Variants in FRAS1 observed in about 807,000 individuals in gnomAD.
FRAS1 encodes the protein extracellular matrix organizing protein FRAS1.
A neutral mutation model predicts 435.2 loss-of-function variants in FRAS1; 290 were observed. The observed-to-expected ratio is 0.67, with a 90% confidence interval of 0.61 to 0.73. The LOEUF (loss-of-function observed/expected upper bound fraction) is 0.73. Among genes scored for constraint, FRAS1 ranks in the 30% least tolerant of loss-of-function variants. The pLI, the probability that FRAS1 is intolerant of heterozygous loss-of-function variation, is 0.00. For synonymous variants in FRAS1, 1,800 were observed against 1,851.0 expected, an observed-to-expected ratio of 0.97 and a Z score of 0.71; for missense variants, 4,860 against 5,001.5, an observed-to-expected ratio of 0.97 and a Z score of 0.85.
At chr4:78,129,069 A>G (rs1256402102) in intron 2 of FRAS1, among the ~76,000 whole-genome samples, 1 of 152,170 alleles carries the variant, frequency 6.6e-6, no homozygotes, top group African/African-American at 2.4e-5. Context: ...AGTTGTAGAT[A>G]TGCGGCATTA....
Position 78,338,031 on chromosome 4 carries a change from C to T in FRAS1, c.2422+214C>T. The T allele has an allele frequency of 5.7e-6, 3 of 522,698 alleles. No homozygotes were observed. The East Asian group carries it at 1.0e-4, about 18-fold the overall frequency. 32.4% of individuals were successfully genotyped at this position (522,698 alleles called of 1,614,324 possible). ...ACTTCTAATAATACTCTTGCAAATC[C>T]TGAAAATCTCAGACTCTCATATTAA... On this transcript the variant is annotated intron_variant, in intron 20 of 73. Transcript: ENST00000512123.
chr4:78,508,222 G>A (rs560944643), intron 62 of FRAS1, among the ~76,000 whole-genome samples: 11 of 152,262 alleles, frequency 7.2e-5, no homozygotes, highest in Non-Finnish European at 1.2e-4. Context: ...ACCCATAATT[G>A]TGAAGCAATC....
rs1423784210 is a variant in FRAS1 at position 78,411,350 on chromosome 4, G to A, written c.4309-1619G>A. Among the ~76,000 whole-genome samples, 3 of 152,072 alleles carry A rather than the reference G, an allele frequency of 2.0e-5. No homozygotes were observed. The East Asian group carries it at 5.8e-4, about 29-fold the overall frequency. ...TGGTCTCGAACTCCTGACATCAAGT[G>A]ATCCGCCCACCTCGGCCTCCCAAAG... On this transcript the variant is annotated intron_variant, in intron 31 of 73. Coordinates refer to ENST00000512123, the MANE Select transcript of FRAS1 (RefSeq NM_025074.7).
chr4:78,373,833 TTATC>T (rs1409059489), intron 24 of FRAS1, among the ~76,000 whole-genome samples: 8 of 152,258 alleles, frequency 5.3e-5, no homozygotes, highest in African/African-American at 1.9e-4. Flanking sequence ...ACTTTATAGT[TTATC>T]TAGCATTTTC....
chr4:78,244,186 G>C (rs1725133975), intron 3 of FRAS1, among the ~76,000 whole-genome samples: 1 of 152,000 alleles, frequency 6.6e-6, no homozygotes, highest in Non-Finnish European at 1.5e-5. Flanking sequence ...TATGATGTTA[G>C]AATTCTCTTG....
At chr4:78,064,788 A>T (rs72858729) in intron 1 of FRAS1, among the ~76,000 whole-genome samples, 10,187 of 151,952 alleles carry the variant, frequency 0.067, 1,184 homozygotes, top group African/African-American at 0.23. Context: ...TATTATTGGG[A>T]CTTCATAAAT....
chr4:78,431,972 C>G (rs1734235231), intron 37 of FRAS1, among the ~76,000 whole-genome samples: 1 of 151,922 alleles, frequency 6.6e-6, no homozygotes, highest in South Asian at 2.1e-4. Flanking sequence ...TTTTCAGTAT[C>G]AAGATAAGAT....
intron 14 of FRAS1, among the ~76,000 whole-genome samples, chr4:78,291,056 G>T (rs1279527099): frequency 2.0e-5 from 3 of 152,264 alleles, no homozygotes; most frequent in African/African-American, 4.8e-5. Flanking sequence ...GTGAGCCACT[G>T]CGCCCGGCCT....
chr4:78,080,861 C>T (rs182344456), intron 2 of FRAS1, among the ~76,000 whole-genome samples: 1 of 152,272 alleles, frequency 6.6e-6, no homozygotes, highest in African/African-American at 2.4e-5. Context: ...TTAAATCTGT[C>T]CCAGGACGTC....
intron 43 of FRAS1, 44 bp from the exon 44 acceptor site, chr4:78,448,001 ATATATATG>A: frequency 6.9e-7 from 1 of 1,451,814 alleles, no homozygotes; most frequent in Non-Finnish European, 9.3e-7. Flanking sequence ...TTTGAATCAT[ATATATATG>A]TGTATTCTAC....
intron 9 of FRAS1, among the ~76,000 whole-genome samples, chr4:78,275,718 C>G (rs2867015): frequency 0.34 from 51,845 of 152,108 alleles, 9,187 homozygotes; most frequent in South Asian, 0.59. Flanking sequence ...TTGTGGGCAA[C>G]CTGACCTTTC....
chr4:78,369,112 A>G (rs58533408), intron 22 of FRAS1, among the ~76,000 whole-genome samples: 25,191 of 152,180 alleles, frequency 0.17, 2,677 homozygotes, highest in East Asian at 0.34. Flanking sequence ...ATTTGTGGAT[A>G]TGGAAAAAAG....
intron 2 of FRAS1, chr4:78,180,764 A>T: frequency 1.1e-6 from 1 of 895,522 alleles, no homozygotes; most frequent in Non-Finnish European, 1.7e-6. Context: ...TATGAATGAC[A>T]GTCTTTTTTT....
chr4:78,218,483 T>C (rs1723900395), intron 2 of FRAS1, among the ~76,000 whole-genome samples: 1 of 152,190 alleles, frequency 6.6e-6, no homozygotes, highest in Non-Finnish European at 1.5e-5. Flanking sequence ...GAGTGGACAG[T>C]TGCAGACTGT....
At chr4:78,397,608 G>A (rs1732720474) in intron 29 of FRAS1, among the ~76,000 whole-genome samples, 1 of 152,128 alleles carries the variant, frequency 6.6e-6, no homozygotes, top group African/African-American at 2.4e-5. Flanking sequence ...TTGTGAGCAA[G>A]GCTCTTGGTG....
intron 20 of FRAS1, among the ~76,000 whole-genome samples, chr4:78,340,155 T>C (rs1730342056): frequency 6.6e-6 from 1 of 152,176 alleles, no homozygotes; most frequent in Admixed American, 6.5e-5. Flanking sequence ...AGGGAACCTT[T>C]AGAAGGAGAA....
intron 30 of FRAS1, among the ~76,000 whole-genome samples, chr4:78,407,005 A>G (rs1040836859): frequency 3.3e-5 from 5 of 152,242 alleles, no homozygotes; most frequent in African/African-American, 1.2e-4. Flanking sequence ...TTATTTTTAA[A>G]CATTATATAA....
Position 78,171,685 on chromosome 4 carries a change from C to T in FRAS1, c.109-65825C>T, listed in dbSNP as rs975425068. ...TTGCCTAGCCTGTGAGTGTCGCCTC[C>T]TGGCTGGAAAAAATAAAATTAGCAC... On this transcript the variant is annotated intron_variant, in intron 2 of 73. Coordinates refer to ENST00000512123, the MANE Select transcript of FRAS1 (RefSeq NM_025074.7). Among the ~76,000 whole-genome samples the T allele has an allele frequency of 6.6e-5, 10 of 152,276 alleles. No individual in the cohort carries two copies. The East Asian group carries it at 1.5e-3, about 24-fold the overall frequency.
intron 2 of FRAS1, among the ~76,000 whole-genome samples, chr4:78,235,823 C>G (rs1313238407): frequency 6.6e-6 from 1 of 152,142 alleles, no homozygotes; most frequent in Non-Finnish European, 1.5e-5. Context: ...GTGGTGCATG[C>G]CAGTAGTCCC....
Sources: allele counts gnomAD v4.1 joint callset (sites outside exome capture counted in the v4.1 genomes callset), GRCh38; gene constraint gnomAD v4.1.1; transcripts MANE v1.5; gene names NCBI Gene and HGNC (gene_info 2026-07-23, HGNC 2026-07-21).